Variants in RHBDD1 observed in about 807,000 individuals in gnomAD.
RHBDD1 encodes rhomboid domain containing 1.
In RHBDD1, 38 loss-of-function variants were observed where a neutral mutation model predicts 36.3. The observed-to-expected ratio is 1.05, with a 90% CI of 0.81 to 1.37. The LOEUF (loss-of-function observed/expected upper bound fraction) is 1.37. Among genes scored for constraint, RHBDD1 ranks in the 40% most tolerant of loss-of-function variants. RHBDD1 has a pLI of 0.00. For missense variants in RHBDD1, 393 were observed against 377.6 expected, an observed-to-expected ratio of 1.04 and a Z score of -0.34; for synonymous variants, 151 against 136.5, an observed-to-expected ratio of 1.11 and a Z score of -0.74.
chr2:226,953,967 C>A (rs926234914), intron 8 of RHBDD1, among the ~76,000 whole-genome samples: 2 of 152,150 alleles, frequency 1.3e-5, no homozygotes, highest in Non-Finnish European at 2.9e-5. Context: ...GGGTGGGTGG[C>A]ACCATCCTCC....
chr2:226,838,005 CACAGGAGT>C (rs1941168343), intron 1 of RHBDD1, 60 bp from the exon 2 acceptor site: 1 of 152,184 alleles, frequency 6.6e-6, no homozygotes, highest in South Asian at 2.1e-4. Flanking sequence ...CAGGAAGGAT[CACAGGAGT>C]GCCCTCAACC....
At chr2:226,823,234 C>G in the RHBDD1 span, among the ~76,000 whole-genome samples, 1 of 152,194 alleles carries the variant, frequency 6.6e-6, no homozygotes, top group African/African-American at 2.4e-5. Context: ...TTGCCAGATA[C>G]CAAATCTGTC....
chr2:226,801,051 G>C, the RHBDD1 span, among the ~76,000 whole-genome samples: 1 of 152,212 alleles, frequency 6.6e-6, no homozygotes, highest in African/African-American at 2.4e-5. Flanking sequence ...GATGTCACTC[G>C]GTTTAATGCT....
chr2:226,844,281 C>T (rs1335018355), intron 3 of RHBDD1, among the ~76,000 whole-genome samples: 1 of 151,862 alleles, frequency 6.6e-6, no homozygotes, highest in African/African-American at 2.4e-5. Context: ...TAGCTGCCCC[C>T]CGCCCCCCGG....
intron 5 of RHBDD1, among the ~76,000 whole-genome samples, chr2:226,876,198 GC>G (rs1218083856): frequency 2.0e-5 from 3 of 152,140 alleles, no homozygotes; most frequent in Non-Finnish European, 4.4e-5. Context: ...AGAAGGAAAA[GC>G]CATGAATGAA....
At position 226,966,624 on chromosome 2, in the gene RHBDD1, T is replaced by A. The variant is rs187796511; in HGVS notation, c.857-28807T>A. ...GCTATGTGTGCCTGATACATAATTTTAATTCATATAAATTTAAATAGCCAT... is the reference window on the plus strand; with the variant it reads ...GCTATGTGTGCCTGATACATAATTTAAATTCATATAAATTTAAATAGCCAT... On this transcript the variant is annotated intron_variant, in intron 8 of 8. Transcript: ENST00000392062. Among the ~76,000 whole-genome samples, 34 of 152,350 alleles carry A rather than the reference T, an allele frequency of 2.2e-4. No individual in the cohort carries two copies. The East Asian group carries it at 6.6e-3, about 29-fold the overall frequency.
intron 8 of RHBDD1, among the ~76,000 whole-genome samples, chr2:226,930,509 A>T (rs1226166872): frequency 6.6e-6 from 1 of 152,036 alleles, no homozygotes; most frequent in African/African-American, 2.4e-5. Context: ...TTAGAGACTT[A>T]AATCTTAAGA....
chr2:226,979,077 G>A (rs1955119013), intron 8 of RHBDD1, among the ~76,000 whole-genome samples: 3 of 152,120 alleles, frequency 2.0e-5, no homozygotes, highest in Admixed American at 1.3e-4. Context: ...GGGAAAGAAA[G>A]AAGCTATTCG....
chr2:226,947,704 G>T (rs1011918333), intron 8 of RHBDD1, among the ~76,000 whole-genome samples: 6 of 152,020 alleles, frequency 3.9e-5, no homozygotes, highest in South Asian at 4.1e-4. Context: ...AATCTACAAT[G>T]AACTCAAACA....
chr2:226,879,505 A>C (rs1392045030), intron 5 of RHBDD1, among the ~76,000 whole-genome samples: 78 of 152,214 alleles, frequency 5.1e-4, no homozygotes, highest in Non-Finnish European at 1.6e-4. Flanking sequence ...ACTTCACCTG[A>C]GCCAGAAATG....
chr2:226,843,567 C>A (rs1941902985), intron 3 of RHBDD1, among the ~76,000 whole-genome samples: 1 of 152,078 alleles, frequency 6.6e-6, no homozygotes, highest in Non-Finnish European at 1.5e-5. Context: ...TGTGATGAAT[C>A]ACATTTATTA....
chr2:226,997,193 T>C lies in RHBDD1; in HGVS notation c.*1671T>C, dbSNP rs1177423705. ...TCCTTTGGTTAATTTATAACTGATA[T>C]AAAACTACATCTTCTTTATAATATA... On this transcript the variant is annotated 3_prime_UTR_variant, in exon 9 of 9. Coordinates refer to ENST00000392062, the MANE Select transcript of RHBDD1 (RefSeq NM_001167608.3). The C allele has an allele frequency of 1.3e-5, 2 of 152,216 alleles. No homozygotes were observed. The highest frequency in any genetic ancestry group is 2.1e-4 in the South Asian group (1 of 4,828). The allele number at this position is 152,216 out of a possible 1,614,324, so 9.4% of individuals were successfully genotyped here. A position where few individuals can be genotyped will look rare whatever the true frequency, so the allele number is the denominator to read the frequency against.
At chr2:226,923,038 CAA>C (rs1949435034) in intron 8 of RHBDD1, among the ~76,000 whole-genome samples, 1 of 152,258 alleles carries the variant, frequency 6.6e-6, no homozygotes, top group Non-Finnish European at 1.5e-5. Context: ...TCTTTCTACT[CAA>C]GATATGAATA....
At chr2:226,916,473 G>A (rs932377557) in intron 8 of RHBDD1, among the ~76,000 whole-genome samples, 2 of 152,096 alleles carry the variant, frequency 1.3e-5, no homozygotes, top group African/African-American at 4.8e-5. Context: ...AATATTACAG[G>A]ACAAGTAGGG....
At chr2:226,987,107 C>T (rs1436992421) in intron 8 of RHBDD1, among the ~76,000 whole-genome samples, 6 of 152,096 alleles carry the variant, frequency 3.9e-5, no homozygotes, top group Admixed American at 3.9e-4. Flanking sequence ...TGTTCTCGCT[C>T]ATAAGTGGGA....
At chr2:226,831,633 T>C (rs988851137), upstream of RHBDD1, among the ~76,000 whole-genome samples, 1 of 152,164 alleles carries the variant, frequency 6.6e-6, no homozygotes, top group African/African-American at 2.4e-5. Flanking sequence ...TGCCAACACT[T>C]TGATCGAGCT....
At chr2:226,871,422 A>G (rs1411226780) in intron 5 of RHBDD1, among the ~76,000 whole-genome samples, 3 of 152,192 alleles carry the variant, frequency 2.0e-5, no homozygotes, top group East Asian at 1.9e-4. Flanking sequence ...TAATTCCTTA[A>G]TGTTGTTTAG....
intron 2 of RHBDD1, among the ~76,000 whole-genome samples, chr2:226,838,974 C>G (rs958502760): frequency 2.6e-5 from 4 of 152,136 alleles, no homozygotes; most frequent in Non-Finnish European, 5.9e-5. Context: ...GACACTGTTA[C>G]AGGAAATGAG....
chr2:226,927,621 G>A (rs975102761), intron 8 of RHBDD1, among the ~76,000 whole-genome samples: 6 of 151,870 alleles, frequency 4.0e-5, no homozygotes, highest in African/African-American at 1.2e-4. Flanking sequence ...AGTTGCTCTC[G>A]GTTCTCCCAG....
Sources: gnomAD v4.1 joint callset for allele counts (sites outside exome capture counted in the v4.1 genomes callset) on GRCh38, gnomAD v4.1.1 for gene constraint, MANE v1.5 for transcripts, NCBI Gene and HGNC (gene_info 2026-07-23, HGNC 2026-07-21) for gene names.